Variants in MYO10 observed in about 807,000 individuals in gnomAD.
The protein encoded by MYO10 is unconventional myosin-X.
A neutral mutation model predicts 257.3 loss-of-function variants in MYO10; 133 were observed. The observed-to-expected ratio is 0.52, with a 90% CI of 0.45 to 0.60. The LOEUF (loss-of-function observed/expected upper bound fraction) is 0.60, where lower values mean the gene tolerates loss of function less well. MYO10 is among the 20% of genes least tolerant of loss of function. The pLI, the probability that MYO10 is intolerant of heterozygous loss-of-function variation, is 0.00. For missense variants in MYO10, 2,399 were observed against 2,635.7 expected, an observed-to-expected ratio of 0.91 and a Z score of 1.97; for synonymous variants, 1,104 against 1,028.6, an observed-to-expected ratio of 1.07 and a Z score of -1.40.
At chr5:16,685,439 T>G (rs933675799) in intron 29 of MYO10, among the ~76,000 whole-genome samples, 2 of 152,086 alleles carry the variant, frequency 1.3e-5, no homozygotes, top group Non-Finnish European at 2.9e-5. Context: ...CTTGAACTCC[T>G]GGCCTCAAAT....
chr5:16,716,429 T>G (rs953725310), intron 19 of MYO10, among the ~76,000 whole-genome samples: 2 of 151,372 alleles, frequency 1.3e-5, no homozygotes, highest in Admixed American at 6.6e-5. Context: ...GAAATGCATT[T>G]ATTTATGTAT....
intron 19 of MYO10, among the ~76,000 whole-genome samples, chr5:16,721,032 G>T (rs39887): frequency 2.0e-5 from 3 of 152,026 alleles, no homozygotes; most frequent in African/African-American, 4.8e-5. Flanking sequence ...TTTCCATTAT[G>T]GGATATACCT....
intron 2 of MYO10, among the ~76,000 whole-genome samples, chr5:16,866,624 T>C (rs1347142673): frequency 6.6e-6 from 1 of 152,142 alleles, no homozygotes; most frequent in Non-Finnish European, 1.5e-5. Flanking sequence ...ACCTCCTGTT[T>C]CTTTCCTCTT....
intron 1 of MYO10, chr5:16,902,215 T>C: frequency 1.5e-6 from 1 of 668,658 alleles, no homozygotes; most frequent in South Asian, 1.6e-5. Flanking sequence ...CCGGCTAATT[T>C]TTTTTTTTTT....
At chr5:16,786,706 G>A (rs1347854467) in intron 4 of MYO10, among the ~76,000 whole-genome samples, 1 of 152,000 alleles carries the variant, frequency 6.6e-6, no homozygotes, top group Non-Finnish European at 1.5e-5. Flanking sequence ...CTAGCCCAAA[G>A]CATTTTGGAT....
chr5:16,690,359 C>G (rs947244507), intron 27 of MYO10, among the ~76,000 whole-genome samples: 8 of 152,048 alleles, frequency 5.3e-5, no homozygotes, highest in South Asian at 2.1e-4. Context: ...TTCTGGAACC[C>G]GTCACCAAAA....
intron 3 of MYO10, among the ~76,000 whole-genome samples, chr5:16,802,472 C>G (rs1376811956): frequency 6.6e-6 from 1 of 151,436 alleles, no homozygotes; most frequent in East Asian, 1.9e-4. Flanking sequence ...TCCTGGCTAA[C>G]AGGGTGAAAC....
At chr5:16,869,457 T>C (rs1744386423) in intron 2 of MYO10, among the ~76,000 whole-genome samples, 1 of 151,922 alleles carries the variant, frequency 6.6e-6, no homozygotes, top group Non-Finnish European at 1.5e-5. Flanking sequence ...ACCCCTGTAG[T>C]CCTAGCTACT....
At chr5:16,806,115 C>G (rs921421725) in intron 3 of MYO10, among the ~76,000 whole-genome samples, 2 of 151,892 alleles carry the variant, frequency 1.3e-5, no homozygotes, top group East Asian at 1.9e-4. Context: ...GAGGCTGAGG[C>G]AGGTGGGTCA....
chr5:16,794,342 G>A (rs1479494971), intron 4 of MYO10, among the ~76,000 whole-genome samples: 1 of 140,058 alleles, frequency 7.1e-6, no homozygotes, highest in Admixed American at 7.3e-5. Context: ...CCTCATCATT[G>A]AAATAAATCA....
chr5:16,679,898 G>C (rs761356393), intron 33 of MYO10, 49 bp downstream of exon 33: 8 of 1,587,816 alleles, frequency 5.0e-6, no homozygotes, highest in Non-Finnish European at 6.9e-6. Context: ...TCTAAGGGTA[G>C]AATCTCTGAG....
intron 19 of MYO10, among the ~76,000 whole-genome samples, chr5:16,720,918 A>G (rs1453448874): frequency 1.3e-5 from 2 of 152,368 alleles, no homozygotes; most frequent in South Asian, 2.1e-4. Flanking sequence ...GAATTATGTA[A>G]TAAGAAAAGC....
intron 30 of MYO10, 44 bp from the exon 31 acceptor site, chr5:16,682,057 C>A: frequency 4.4e-6 from 7 of 1,595,108 alleles, no homozygotes; most frequent in Non-Finnish European, 6.0e-6. Context: ...TTAGCCCTAC[C>A]GTCAGCATCA....
chr5:16,793,530 C>G (rs1315467579), intron 4 of MYO10, among the ~76,000 whole-genome samples: 1 of 152,126 alleles, frequency 6.6e-6, no homozygotes, highest in African/African-American at 2.4e-5. Flanking sequence ...ATCATGTTGG[C>G]CAGGCTGGTC....
intron 2 of MYO10, among the ~76,000 whole-genome samples, chr5:16,843,623 T>C (rs1271184609): frequency 1.3e-5 from 2 of 152,230 alleles, no homozygotes; most frequent in East Asian, 3.9e-4. Flanking sequence ...CTCCCTTGTC[T>C]AACTTTCTAT....
At chr5:16,682,493 G>T (rs958180805) in intron 30 of MYO10, among the ~76,000 whole-genome samples, 3 of 152,188 alleles carry the variant, frequency 2.0e-5, no homozygotes, top group South Asian at 2.1e-4. Context: ...CTGGGTCCGG[G>T]TTTCCAAAGT....
intron 1 of MYO10, among the ~76,000 whole-genome samples, chr5:16,918,495 C>CTTT (rs1422704020): frequency 2.3e-5 from 2 of 87,258 alleles, no homozygotes; most frequent in African/African-American, 8.7e-5. Flanking sequence ...AACTATTTTT[C>CTTT]TTTTCTTTTT....
chr5:16,904,266 G>A (rs1240388580), intron 1 of MYO10, among the ~76,000 whole-genome samples: 1 of 152,100 alleles, frequency 6.6e-6, no homozygotes, highest in Non-Finnish European at 1.5e-5. Context: ...AGCCCTATGC[G>A]CCTCTTCATC....
intron 10 of MYO10, among the ~76,000 whole-genome samples, chr5:16,768,644 G>A (rs1163806550): frequency 7.0e-6 from 1 of 142,692 alleles, no homozygotes; most frequent in African/African-American, 2.6e-5. Flanking sequence ...TATTCAAGGA[G>A]TCAGAACATT....
Sources: gnomAD v4.1 joint callset for allele counts (sites outside exome capture counted in the v4.1 genomes callset) on GRCh38, gnomAD v4.1.1 for gene constraint, MANE v1.5 for transcripts, NCBI Gene and HGNC (gene_info 2026-07-23, HGNC 2026-07-21) for gene names.